Variants in BNC2 observed in about 807,000 individuals in gnomAD.
The protein encoded by BNC2 is basonuclin zinc finger protein 2.
BNC2 carries 20 observed loss-of-function variants against 76.3 expected under a neutral mutation model. The ratio of observed to expected loss-of-function variants is 0.26; its 90% CI spans 0.18 to 0.38. The LOEUF is 0.38. Ranked by LOEUF, BNC2 falls within the 10% of genes least tolerant of loss-of-function variation. BNC2 has a pLI of 1.00. For missense variants in BNC2, 1,382 were observed against 1,399.8 expected (o/e 0.99, Z 0.20); for synonymous variants, 582 against 514.8 (o/e 1.13, Z -1.77).
At chr9:16,524,159 A>T (rs1817718801) in intron 5 of BNC2, among the ~76,000 whole-genome samples, 1 of 152,220 alleles carries the variant, frequency 6.6e-6, no homozygotes, top group African/African-American at 2.4e-5. Flanking sequence ...AAGACAAAAA[A>T]GTTAAATAAA....
At chr9:16,498,343 G>C (rs937510597) in intron 5 of BNC2, among the ~76,000 whole-genome samples, 1 of 148,958 alleles carries the variant, frequency 6.7e-6, no homozygotes, top group African/African-American at 2.5e-5. Context: ...GCCATAAAAA[G>C]GAATGAATTA....
chr9:16,485,164 C>A (rs1822138211), intron 5 of BNC2, among the ~76,000 whole-genome samples: 1 of 151,886 alleles, frequency 6.6e-6, no homozygotes, highest in Non-Finnish European at 1.5e-5. Context: ...ACCTGCCCAA[C>A]AATTTAGTTT....
intron 5 of BNC2, among the ~76,000 whole-genome samples, chr9:16,515,696 C>T (rs1461611227): frequency 6.8e-6 from 1 of 147,158 alleles, no homozygotes; most frequent in African/African-American, 2.5e-5. Context: ...AGTTCACTGC[C>T]CAGAGAAAAA....
chr9:16,493,656 T>C (rs1166799201), intron 5 of BNC2, among the ~76,000 whole-genome samples: 2 of 152,190 alleles, frequency 1.3e-5, no homozygotes, highest in African/African-American at 2.4e-5. Flanking sequence ...GGAGCTTATG[T>C]GGTTTAATGG....
chr9:16,442,715 A>C (rs974749840), intron 5 of BNC2, among the ~76,000 whole-genome samples: 3 of 152,192 alleles, frequency 2.0e-5, no homozygotes, highest in Non-Finnish European at 2.9e-5. Flanking sequence ...AGCATACAGG[A>C]AAACAACTGC....
rs78526636 is a variant in BNC2, at chr9:16,702,257, G to T, written c.330+25540C>A. ...GTAGATTTTCACAAAACCAGGGACA[G>T]ACGCTGGAGTCTAACTTGCAAAATC... On this transcript the variant is annotated intron_variant, in intron 3 of 6. Transcript: ENST00000380672. Among the ~76,000 whole-genome samples, 761 of 152,286 alleles carry T rather than the reference G, an allele frequency of 5.0e-3. 12 individuals are homozygous for T. Among genetic ancestry groups the T allele is most frequent in the African/African-American group, 0.017 (720 of 41,566 alleles).
At chr9:16,781,081 G>T (rs1415227946) in intron 1 of BNC2, among the ~76,000 whole-genome samples, 1 of 151,510 alleles carries the variant, frequency 6.6e-6, no homozygotes, top group Non-Finnish European at 1.5e-5. Flanking sequence ...TTTAGAGTGG[G>T]CACTCTAAAA....
At chr9:16,856,405 C>T (rs1172208535) in intron 1 of BNC2, among the ~76,000 whole-genome samples, 1 of 152,160 alleles carries the variant, frequency 6.6e-6, no homozygotes, top group East Asian at 1.9e-4. Context: ...AAGACCAATG[C>T]ACAGATATAA....
At chr9:16,753,107 T>C (rs1825269348) in intron 1 of BNC2, among the ~76,000 whole-genome samples, 1 of 151,656 alleles carries the variant, frequency 6.6e-6, no homozygotes, top group South Asian at 2.1e-4. Flanking sequence ...CATTGACTCT[T>C]CTTTTCAATG....
intron 5 of BNC2, among the ~76,000 whole-genome samples, chr9:16,550,308 G>A (rs1025578354): frequency 5.9e-5 from 9 of 152,098 alleles, no homozygotes; most frequent in African/African-American, 1.9e-4. Flanking sequence ...TTTTATGTGT[G>A]GCCCAAAACA....
chr9:16,495,796 T>C (rs1021264114), intron 5 of BNC2, among the ~76,000 whole-genome samples: 1 of 152,212 alleles, frequency 6.6e-6, no homozygotes, highest in African/African-American at 2.4e-5. Flanking sequence ...GACTCAAATC[T>C]GTAAAACTGA....
chr9:16,475,324 T>C (rs1431656635), intron 5 of BNC2, among the ~76,000 whole-genome samples: 1 of 152,232 alleles, frequency 6.6e-6, no homozygotes, highest in Non-Finnish European at 1.5e-5. Flanking sequence ...GGCTATGTTT[T>C]TTAAAACAAT....
intron 1 of BNC2, among the ~76,000 whole-genome samples, chr9:16,820,975 G>A (rs933989597): frequency 3.9e-5 from 6 of 152,060 alleles, no homozygotes; most frequent in African/African-American, 1.4e-4. Context: ...CAGGAGCACT[G>A]TAATCCCAGA....
chr9:16,471,017 A>G (rs1821812176), intron 5 of BNC2, among the ~76,000 whole-genome samples: 1 of 152,188 alleles, frequency 6.6e-6, no homozygotes, highest in Non-Finnish European at 1.5e-5. Flanking sequence ...AGCCCATGAA[A>G]GCAGCTGGGA....
At chr9:16,514,625 G>A (rs1194982338) in intron 5 of BNC2, among the ~76,000 whole-genome samples, 1 of 152,096 alleles carries the variant, frequency 6.6e-6, no homozygotes, top group Non-Finnish European at 1.5e-5. Flanking sequence ...GTTTACAGTT[G>A]ACATGCAAAT....
chr9:16,518,347 T>C (rs924121227), intron 5 of BNC2, among the ~76,000 whole-genome samples: 9 of 151,874 alleles, frequency 5.9e-5, no homozygotes, highest in African/African-American at 1.5e-4. Context: ...GGTGGGAGGA[T>C]TGCAAAAACC....
rs7045030 is a variant in BNC2, at chr9:16,519,888, T to A, written c.669+32642A>T. On this transcript the variant is annotated intron_variant, in intron 5 of 6. Transcript: ENST00000380672. ...CCAGGTAGAACTAAAGGAGTTATGT[T>A]CCAGTGGAGGACAGATGACCATACC... 5.9e-5 allele frequency among the ~76,000 whole-genome samples: 9 copies of A among 151,964 alleles called. No homozygotes were observed. In the East Asian group the frequency reaches 1.7e-3, roughly 29 times the overall value.
chr9:16,489,501 G>A (rs188950241), intron 5 of BNC2, among the ~76,000 whole-genome samples: 11 of 152,166 alleles, frequency 7.2e-5, no homozygotes, highest in Non-Finnish European at 8.8e-5. Context: ...TGGTCTCAGG[G>A]TAGGAAGGCT....
intron 3 of BNC2, among the ~76,000 whole-genome samples, chr9:16,672,224 G>C (rs1186402107): frequency 6.6e-6 from 1 of 152,140 alleles, no homozygotes; most frequent in Non-Finnish European, 1.5e-5. Context: ...TTGGCCGGAC[G>C]CGGTGGCTCA....
Sources: gnomAD v4.1 joint callset for allele counts (sites outside exome capture counted in the v4.1 genomes callset) on GRCh38, gnomAD v4.1.1 for gene constraint, MANE v1.5 for transcripts, NCBI Gene and HGNC (gene_info 2026-07-23, HGNC 2026-07-21) for gene names.